Variants in CNTN5 observed in about 807,000 individuals in gnomAD.
CNTN5 encodes the protein contactin 5, also known as contactin-5.
In CNTN5, 77 loss-of-function variants were observed where a neutral mutation model predicts 129.1. The ratio of observed to expected loss-of-function variants is 0.60; its 90% CI spans 0.50 to 0.72. CNTN5 has a LOEUF of 0.72. CNTN5 is among the 30% of genes least tolerant of loss of function. The pLI is 0.00. For synonymous variants in CNTN5, 509 were observed against 465.6 expected, an observed-to-expected ratio of 1.09 and a Z score of -1.20; for missense variants, 1,478 against 1,328.8, an observed-to-expected ratio of 1.11 and a Z score of -1.75.
intron 3 of CNTN5, among the ~76,000 whole-genome samples, chr11:99,578,343 C>A (rs1418934869): frequency 1.1e-4 from 16 of 150,892 alleles, no homozygotes; most frequent in African/African-American, 3.7e-4. Context: ...GGTATATACC[C>A]AGTAATGGGA....
intron 1 of CNTN5, among the ~76,000 whole-genome samples, chr11:99,188,976 G>A (rs905648946): frequency 2.0e-5 from 3 of 151,216 alleles, no homozygotes; most frequent in African/African-American, 2.4e-5. Flanking sequence ...TGAAACTTTC[G>A]AACTTTGAAC....
In CNTN5 at chr11:99,643,575, G is replaced by A. The variant is rs537337620; in HGVS notation, c.55+87306G>A. On this transcript the variant is annotated intron_variant, in intron 3 of 24. Transcript: ENST00000524871. The stretch of plus-strand genomic sequence containing the variant: ...ATTATTTAGAACAATAAATTGCAAT[G>A]CATAAAACAAGGAATAGAGATTGCC... 5.3e-5 allele frequency among the ~76,000 whole-genome samples: 8 copies of A among 152,158 alleles called. No individual in the cohort carries two copies. The South Asian group carries it at 1.5e-3, about 28-fold the overall frequency.
intron 13 of CNTN5, among the ~76,000 whole-genome samples, chr11:100,076,187 A>G (rs1174879988): frequency 1.3e-5 from 2 of 152,286 alleles, no homozygotes; most frequent in Admixed American, 6.5e-5. Flanking sequence ...TTACACTGCT[A>G]GGTTATTTTT....
chr11:99,022,912 T>C lies in CNTN5; in HGVS notation c.-210+1642T>C, dbSNP rs939376331. Among the ~76,000 whole-genome samples, 10 of 152,326 alleles carry C rather than the reference T, an allele frequency of 6.6e-5. No individual in the cohort carries two copies. The South Asian group carries it at 1.2e-3, about 19-fold the overall frequency. On this transcript the variant is annotated intron_variant, in intron 1 of 24. Transcript: ENST00000524871. ...AAAGGAGGAGAAAAACTGCTAATTT[T>C]AATTTCTTTCTGATTCCATAGACAA... is the stretch of plus-strand genomic sequence containing the variant.
At chr11:99,486,806 A>T (rs185272910) in intron 2 of CNTN5, among the ~76,000 whole-genome samples, 1 of 152,300 alleles carries the variant, frequency 6.6e-6, no homozygotes, top group Admixed American at 6.5e-5. Flanking sequence ...GTTAACCATA[A>T]GTTATAAAGT....
At chr11:100,236,280 G>A (rs1448391110) in intron 16 of CNTN5, among the ~76,000 whole-genome samples, 1 of 152,136 alleles carries the variant, frequency 6.6e-6, no homozygotes, top group Non-Finnish European at 1.5e-5. Flanking sequence ...TGCACTCCCA[G>A]AGCTGGCTGC....
intron 18 of CNTN5, among the ~76,000 whole-genome samples, chr11:100,296,471 C>T (rs576612966): frequency 1.3e-5 from 2 of 151,440 alleles, no homozygotes; most frequent in Non-Finnish European, 3.0e-5. Flanking sequence ...ATGTATGTAA[C>T]AGTGAAAGAA....
At chr11:99,831,827 C>T (rs571185484) in intron 4 of CNTN5, among the ~76,000 whole-genome samples, 1 of 152,210 alleles carries the variant, frequency 6.6e-6, no homozygotes, top group East Asian at 1.9e-4. Flanking sequence ...CATGAGGCAC[C>T]TACCTACTAA....
At chr11:100,030,637 A>G (rs751907346) in intron 9 of CNTN5, among the ~76,000 whole-genome samples, 10 of 152,208 alleles carry the variant, frequency 6.6e-5, no homozygotes, top group Non-Finnish European at 1.2e-4. Flanking sequence ...GCTGATGTAC[A>G]TGAATGTGTA....
chr11:100,062,703 G>T (rs1474140354), intron 10 of CNTN5, among the ~76,000 whole-genome samples: 2 of 152,164 alleles, frequency 1.3e-5, no homozygotes, highest in Non-Finnish European at 2.9e-5. Context: ...AAACAGGGGA[G>T]AGCATCTGGA....
chr11:99,784,792 T>A (rs1310128128), intron 3 of CNTN5, among the ~76,000 whole-genome samples: 1 of 124,954 alleles, frequency 8.0e-6, no homozygotes, highest in African/African-American at 3.1e-5. Flanking sequence ...GGTATCTCAT[T>A]GTGTTTTTTT....
chr11:99,249,117 T>C (rs1444638437), intron 1 of CNTN5, among the ~76,000 whole-genome samples: 3 of 152,192 alleles, frequency 2.0e-5, no homozygotes, highest in Non-Finnish European at 4.4e-5. Context: ...GTTCTTCCAT[T>C]TGTTCGCATC....
chr11:99,244,019 A>T (rs1861696711), intron 1 of CNTN5, among the ~76,000 whole-genome samples: 1 of 152,066 alleles, frequency 6.6e-6, no homozygotes, highest in African/African-American at 2.4e-5. Flanking sequence ...TGGTAGTTTG[A>T]TAGGAATATC....
intron 3 of CNTN5, among the ~76,000 whole-genome samples, chr11:99,770,191 T>C (rs1014925347): frequency 6.6e-6 from 1 of 152,146 alleles, no homozygotes; most frequent in African/African-American, 2.4e-5. Context: ...AATTTGCTTA[T>C]ATTAGCATAT....
chr11:99,202,944 TGAGA>T (rs1338645990), intron 1 of CNTN5, among the ~76,000 whole-genome samples: 1 of 145,194 alleles, frequency 6.9e-6, no homozygotes, highest in African/African-American at 2.6e-5. Context: ...AGACAATAAG[TGAGA>T]GAGAAAGAAA....
chr11:99,165,335 G>T (rs1380145136), intron 1 of CNTN5, among the ~76,000 whole-genome samples: 1 of 152,060 alleles, frequency 6.6e-6, no homozygotes, highest in Non-Finnish European at 1.5e-5. Flanking sequence ...ACAAATTAGG[G>T]GAGTCTAATT....
At chr11:99,595,339 A>G (rs923481083) in intron 3 of CNTN5, among the ~76,000 whole-genome samples, 2 of 133,726 alleles carry the variant, frequency 1.5e-5, no homozygotes, top group Admixed American at 8.4e-5. Flanking sequence ...TACAATTATT[A>G]TGTGTCAATT....
intron 9 of CNTN5, among the ~76,000 whole-genome samples, chr11:100,006,570 A>T (rs770689236): frequency 6.6e-6 from 1 of 152,148 alleles, no homozygotes; most frequent in Admixed American, 6.6e-5. Context: ...TTCAACTTTT[A>T]TCGTGAGATT....
intron 2 of CNTN5, among the ~76,000 whole-genome samples, chr11:99,518,824 T>C (rs2135432114): frequency 6.6e-6 from 1 of 152,156 alleles, no homozygotes; most frequent in Middle Eastern, 3.4e-3. Context: ...TTTTACATTG[T>C]CTACCTCCAG....
Sources: gnomAD v4.1 joint callset for allele counts (sites outside exome capture counted in the v4.1 genomes callset) on GRCh38, gnomAD v4.1.1 for gene constraint, MANE v1.5 for transcripts, NCBI Gene and HGNC (gene_info 2026-07-23, HGNC 2026-07-21) for gene names.